Variants in HTT observed in about 807,000 individuals in gnomAD.
The protein encoded by HTT is huntington disease protein.
Under a neutral mutation model 362.3 loss-of-function variants are expected in HTT, and 104 were observed. The ratio of observed to expected loss-of-function variants is 0.29; its 90% CI spans 0.24 to 0.34. The LOEUF (loss-of-function observed/expected upper bound fraction) is 0.34, where lower values mean the gene tolerates loss of function less well. HTT is among the 10% of genes least tolerant of loss of function. The pLI, the probability that HTT is intolerant of heterozygous loss-of-function variation, is 1.00. For missense variants in HTT, 3,301 were observed against 3,928.6 expected (o/e 0.84, Z 4.27); for synonymous variants, 1,577 against 1,548.7 (o/e 1.02, Z -0.43).
At chr4:3,085,926 G>A (rs949693441) in intron 1 of HTT, among the ~76,000 whole-genome samples, 1 of 152,142 alleles carries the variant, frequency 6.6e-6, no homozygotes, top group Non-Finnish European at 1.5e-5. Flanking sequence ...CCTTTTGCTT[G>A]GCTGAGAAGT....
chr4:3,174,338 T>C (rs1044810426), intron 31 of HTT, among the ~76,000 whole-genome samples: 3 of 152,230 alleles, frequency 2.0e-5, no homozygotes, highest in African/African-American at 7.2e-5. Flanking sequence ...GATGTAAATA[T>C]TTTAAAGGCT....
intron 21 of HTT, among the ~76,000 whole-genome samples, chr4:3,137,459 G>A (rs1238946722): frequency 6.6e-6 from 1 of 152,068 alleles, no homozygotes; most frequent in African/African-American, 2.4e-5. Context: ...AGCACTTTGG[G>A]AGGCCGAGGT....
Position 3,170,693 on chromosome 4 carries a change from A to G in HTT, c.3865-1627A>G, listed in dbSNP as rs949535421. Among the ~76,000 whole-genome samples the G allele has an allele frequency of 2.0e-5, 3 of 152,164 alleles. No individual in the cohort carries two copies. In the South Asian group the frequency reaches 6.2e-4, roughly 32 times the overall value. On this transcript the variant is annotated intron_variant, in intron 29 of 66. Transcript: ENST00000355072. ...GTCCCTCCTCCTTGTGCCACAGCCTAGGAACTCTCTCAAAGCAGCGAGTTG... is the reference window on the plus strand; with the variant it reads ...GTCCCTCCTCCTTGTGCCACAGCCTGGGAACTCTCTCAAAGCAGCGAGTTG...
At chr4:3,134,863 A>G (rs528184460) in intron 19 of HTT, among the ~76,000 whole-genome samples, 1 of 152,154 alleles carries the variant, frequency 6.6e-6, no homozygotes, top group East Asian at 1.9e-4. Context: ...CCGATTAGCT[A>G]GGAGAATAGG....
intron 37 of HTT, among the ~76,000 whole-genome samples, chr4:3,184,579 G>A (rs139022942): frequency 2.6e-5 from 4 of 152,308 alleles, no homozygotes; most frequent in African/African-American, 4.8e-5. Flanking sequence ...GATGTGGCAT[G>A]TGAGAGAGAG....
chr4:3,104,003 G>A, intron 4 of HTT, 120 bp downstream of exon 4: 1 of 632,964 alleles, frequency 1.6e-6, no homozygotes, highest in Non-Finnish European at 2.8e-6. Context: ...TTTGATACAG[G>A]TATACAATAC....
intron 29 of HTT, among the ~76,000 whole-genome samples, chr4:3,169,140 T>C (rs1312620953): frequency 6.6e-5 from 10 of 151,902 alleles, no homozygotes; most frequent in Admixed American, 6.6e-4. Flanking sequence ...TGCCTCAGCC[T>C]CCTGAGTAGC....
chr4:3,182,177 A>G (rs1406797765), intron 36 of HTT, among the ~76,000 whole-genome samples, 177 bp from the exon 37 acceptor site: 1 of 152,150 alleles, frequency 6.6e-6, no homozygotes, highest in Non-Finnish European at 1.5e-5. Flanking sequence ...TGATTCCCCT[A>G]CATTTCTCAT....
intron 49 of HTT, among the ~76,000 whole-genome samples, chr4:3,213,366 C>G (rs1186079214): frequency 2.6e-5 from 4 of 152,248 alleles, no homozygotes. Context: ...GATCACAGCA[C>G]AGGGTGATTG....
chr4:3,199,463 C>G lies in HTT; in HGVS notation c.5369-269C>G, dbSNP rs1031984264. Reference sequence around the variant, plus strand: ...GCTGAGGCAGGAGAACAGCTTGAAACCGGAAGGTGGAGTTTGCAGTGAGCC... The same window carrying G: ...GCTGAGGCAGGAGAACAGCTTGAAAGCGGAAGGTGGAGTTTGCAGTGAGCC... On this transcript the variant is annotated intron_variant, in intron 40 of 66. Transcript: ENST00000355072. 1.3e-5 allele frequency among the ~76,000 whole-genome samples: 2 copies of G among 151,816 alleles called. 1 individual carries two copies. The highest frequency in any genetic ancestry group is 4.1e-4 in the South Asian group (2 of 4,820).
intron 23 of HTT, among the ~76,000 whole-genome samples, chr4:3,144,174 A>C (rs1716487616): frequency 6.6e-6 from 1 of 152,206 alleles, no homozygotes; most frequent in African/African-American, 2.4e-5. Context: ...CACCAAGATA[A>C]ATTTTGGGAT....
At chr4:3,107,519 C>A in intron 6 of HTT, 96 bp downstream of exon 6, 2 of 1,230,860 alleles carry the variant, frequency 1.6e-6, no homozygotes, top group Admixed American at 1.9e-5. Context: ...TGTGGGAGTG[C>A]TTCTTGGGGT....
intron 22 of HTT, among the ~76,000 whole-genome samples, chr4:3,141,291 A>G (rs1716333032): frequency 6.6e-6 from 1 of 152,186 alleles, no homozygotes; most frequent in South Asian, 2.1e-4. Context: ...AATTGGCTTT[A>G]TATGATACTC....
chr4:3,238,730 G>GGGCCCC, intron 65 of HTT, 88 bp from the exon 66 acceptor site: 151 of 1,096,842 alleles, frequency 1.4e-4, no homozygotes, highest in Non-Finnish European at 1.9e-4. Flanking sequence ...AATGCCTCTG[G>GGGCCCC]CCCCCACCCC....
At chr4:3,169,231 G>C (rs1717855550) in intron 29 of HTT, among the ~76,000 whole-genome samples, 1 of 152,024 alleles carries the variant, frequency 6.6e-6, no homozygotes, top group Non-Finnish European at 1.5e-5. Context: ...TGTTAGCCAG[G>C]ATGGTCTCAA....
intron 2 of HTT, among the ~76,000 whole-genome samples, chr4:3,091,149 A>G (rs1393274447): frequency 6.6e-5 from 10 of 152,166 alleles, no homozygotes; most frequent in Non-Finnish European, 1.5e-5. Flanking sequence ...AATCAACACT[A>G]ATATGGTGAG....
intron 2 of HTT, among the ~76,000 whole-genome samples, chr4:3,095,263 G>A (rs999585770): frequency 6.6e-6 from 1 of 152,224 alleles, no homozygotes; most frequent in Admixed American, 6.5e-5. Flanking sequence ...GCGAGACTCC[G>A]TCTGCAATCC....
intron 39 of HTT, 69 bp downstream of exon 39, chr4:3,187,955 G>A: frequency 1.1e-6 from 1 of 889,190 alleles, no homozygotes; most frequent in Non-Finnish European, 1.8e-6. Context: ...TTCACAGTCA[G>A]TAAGTCTGGA....
intron 60 of HTT, among the ~76,000 whole-genome samples, chr4:3,232,217 T>A (rs1004659678): frequency 1.3e-5 from 2 of 152,186 alleles, no homozygotes; most frequent in African/African-American, 4.8e-5. Flanking sequence ...AAGAACAGCC[T>A]CCTCTTTTGG....
Sources: allele counts gnomAD v4.1 joint callset (sites outside exome capture counted in the v4.1 genomes callset), GRCh38; gene constraint gnomAD v4.1.1; transcripts MANE v1.5; gene names NCBI Gene and HGNC (gene_info 2026-07-23, HGNC 2026-07-21).